The following GALNT14 variants were observed in gnomAD, a reference collection of about 807,000 sequenced individuals.
The protein encoded by GALNT14 is polypeptide N-acetylgalactosaminyltransferase 14, also known as UDP-GalNAc:polypeptide N-acetylgalactosaminyltransferase 14.
GALNT14 carries 60 observed loss-of-function variants against 77.5 expected under a neutral mutation model. The ratio of observed to expected loss-of-function variants is 0.77; its 90% confidence interval spans 0.63 to 0.96. The LOEUF (loss-of-function observed/expected upper bound fraction) is 0.96. Ranked by LOEUF, GALNT14 falls within the 40% of genes least tolerant of loss-of-function variation. GALNT14 has a pLI of 0.00. For synonymous variants in GALNT14, 280 were observed against 281.7 expected (o/e 0.99, Z 0.06); for missense variants, 710 against 731.0 (o/e 0.97, Z 0.33).
At chr2:30,989,696 TA>T (rs1669569075) in intron 2 of GALNT14, among the ~76,000 whole-genome samples, 1 of 123,638 alleles carries the variant, frequency 8.1e-6, no homozygotes, top group South Asian at 2.5e-4. Flanking sequence ...TATATTAGTA[TA>T]TATATAAATA....
intron 1 of GALNT14, among the ~76,000 whole-genome samples, chr2:31,018,791 C>T (rs1439557876): frequency 6.6e-6 from 1 of 152,128 alleles, no homozygotes; most frequent in Non-Finnish European, 1.5e-5. Flanking sequence ...AAAAGCAAAA[C>T]TAATTTTACT....
intron 3 of GALNT14, among the ~76,000 whole-genome samples, chr2:30,964,189 C>T (rs1667858116): frequency 6.6e-6 from 1 of 152,194 alleles, no homozygotes; most frequent in Non-Finnish European, 1.5e-5. Flanking sequence ...ACGCTGTTCT[C>T]ATGGAAACAT....
intron 6 of GALNT14, among the ~76,000 whole-genome samples, chr2:30,950,741 G>T (rs55857027): frequency 2.0e-5 from 3 of 152,240 alleles, no homozygotes; most frequent in Admixed American, 6.5e-5. Context: ...TAGCTCAGGT[G>T]GGGCAAGGAC....
At chr2:31,051,165 G>A (rs961086369) in intron 1 of GALNT14, among the ~76,000 whole-genome samples, 1 of 152,166 alleles carries the variant, frequency 6.6e-6, no homozygotes, top group Non-Finnish European at 1.5e-5. Context: ...TCCTCATGCA[G>A]GCAACAGTCA....
intron 1 of GALNT14, among the ~76,000 whole-genome samples, chr2:31,052,756 G>A (rs1285799270): frequency 6.6e-6 from 1 of 152,196 alleles, no homozygotes; most frequent in Non-Finnish European, 1.5e-5. Flanking sequence ...AGTGAGGACT[G>A]CCAGATTTAA....
intron 2 of GALNT14, chr2:30,991,495 GC>G (rs1669699237): frequency 6.6e-6 from 1 of 152,070 alleles, no homozygotes; most frequent in African/African-American, 2.4e-5. Flanking sequence ...ACACTTTCAG[GC>G]CAGTAGAAGG....
At chr2:31,114,421 G>A (rs749202730) in intron 1 of GALNT14, among the ~76,000 whole-genome samples, 9 of 152,108 alleles carry the variant, frequency 5.9e-5, no homozygotes, top group East Asian at 3.8e-4. Context: ...AGCACTTAAC[G>A]GTATTCAATT....
At chr2:31,103,602 C>T (rs745500110) in intron 1 of GALNT14, among the ~76,000 whole-genome samples, 5 of 152,148 alleles carry the variant, frequency 3.3e-5, no homozygotes, top group Non-Finnish European at 7.3e-5. Flanking sequence ...TTCTAAGTGT[C>T]TACCATTTAT....
At chr2:31,080,693 G>C (rs1862980) in intron 1 of GALNT14, among the ~76,000 whole-genome samples, 20,525 of 152,216 alleles carry the variant, frequency 0.13, 1,860 homozygotes, top group Admixed American at 0.25. Flanking sequence ...ACCTGTGCAA[G>C]TCACTTCATT....
At chr2:30,992,731 C>T in intron 2 of GALNT14, 107 bp downstream of exon 2, 1 of 1,303,828 alleles carries the variant, frequency 7.7e-7, no homozygotes, top group Non-Finnish European at 1.1e-6. Context: ...AGCAGATGGT[C>T]CAGCCCGGTT....
rs114533801 is a variant in GALNT14 at position 30,961,288 on chromosome 2, C to T, written c.399-2824G>A. 4.3e-3 allele frequency among the ~76,000 whole-genome samples: 659 copies of T among 152,334 alleles called. 2 individuals carry two copies. Among genetic ancestry groups the T allele is most frequent in the Non-Finnish European group, 7.5e-3 (508 of 68,018 alleles). On this transcript the variant is annotated intron_variant, in intron 3 of 14. Transcript: ENST00000349752. ...ATTGCTTTGTGAACTCCACGGTGCT[C>T]TATGCAGGCAGGTTTTATCAAACGC...
At chr2:31,008,101 T>G (rs1351602781) in intron 1 of GALNT14, among the ~76,000 whole-genome samples, 2 of 152,144 alleles carry the variant, frequency 1.3e-5, no homozygotes, top group Admixed American at 1.3e-4. Context: ...CATTTATATA[T>G]TGGAGACAGG....
chr2:31,035,600 TAC>T (rs779892815), intron 1 of GALNT14, among the ~76,000 whole-genome samples: 62 of 49,552 alleles, frequency 1.3e-3, no homozygotes, highest in Middle Eastern at 8.8e-3. Flanking sequence ...CATATACATA[TAC>T]ACACACACAC....
chr2:31,071,210 AT>A (rs1280707383), intron 1 of GALNT14, among the ~76,000 whole-genome samples: 1 of 152,180 alleles, frequency 6.6e-6, no homozygotes, highest in Non-Finnish European at 1.5e-5. Flanking sequence ...GAACTTACTC[AT>A]GGAACCAGAT....
chr2:31,003,902 G>A (rs181324459), intron 1 of GALNT14, among the ~76,000 whole-genome samples: 80 of 152,330 alleles, frequency 5.3e-4, no homozygotes, highest in African/African-American at 1.7e-3. Context: ...CATGACTGGG[G>A]AAGCGGGCCT....
intron 2 of GALNT14, among the ~76,000 whole-genome samples, chr2:30,989,672 ATATATAAAAAATATATATTAG>A (rs1669563480): frequency 8.3e-6 from 1 of 120,268 alleles, no homozygotes; most frequent in Non-Finnish European, 1.8e-5. Context: ...ATATATTAGT[ATATATAAAAAATATATATTAG>A]TATATATATA....
intron 11 of GALNT14, 94 bp from the exon 12 acceptor site, chr2:30,924,917 C>A: frequency 3.2e-6 from 3 of 931,546 alleles, no homozygotes; most frequent in Non-Finnish European, 5.1e-6. Flanking sequence ...GAACACAAAG[C>A]GCGACCCATG....
At chr2:30,980,519 T>C (rs1668920254) in intron 2 of GALNT14, among the ~76,000 whole-genome samples, 1 of 152,236 alleles carries the variant, frequency 6.6e-6, no homozygotes, top group South Asian at 2.1e-4. Context: ...CACCTCACCC[T>C]GAGGACCATT....
intron 11 of GALNT14, among the ~76,000 whole-genome samples, chr2:30,925,659 G>A (rs1020303893): frequency 7.2e-5 from 11 of 152,166 alleles, no homozygotes; most frequent in African/African-American, 2.4e-4. Context: ...TGAATGTATG[G>A]GTGGTGATTT....
Sources: gnomAD v4.1 joint callset for allele counts (sites outside exome capture counted in the v4.1 genomes callset) on GRCh38, gnomAD v4.1.1 for gene constraint, MANE v1.5 for transcripts, NCBI Gene and HGNC (gene_info 2026-07-23, HGNC 2026-07-21) for gene names.